Variants in KCTD14 observed in about 807,000 individuals in gnomAD.
KCTD14 encodes the protein potassium channel tetramerization domain containing 14, also known as BTB/POZ domain-containing protein KCTD14.
KCTD14 carries 7 observed loss-of-function variants against 5.9 expected under a neutral mutation model. That is an observed-to-expected ratio of 1.19 (90% CI 0.68 to 2.23). KCTD14 has a LOEUF of 2.23. KCTD14 is among the 30% of genes most tolerant of loss of function. The pLI is 0.00. For missense variants in KCTD14, 342 were observed against 332.2 expected, an observed-to-expected ratio of 1.03 and a Z score of -0.23; for synonymous variants, 140 against 133.1, an observed-to-expected ratio of 1.05 and a Z score of -0.36.
chr11:78,039,557 T>TTTAAACATTAAATAAAAAGATTTA (rs1857931943), intron 1 of KCTD14, among the ~76,000 whole-genome samples: 1 of 151,466 alleles, frequency 6.6e-6, no homozygotes, highest in South Asian at 2.1e-4. Context: ...AAAAGATTTA[T>TTTAAACATTAAATAAAAAGATTTA]TTAAACATGT....
chr11:78,036,695 G>A (rs1857811544), intron 2 of KCTD14, among the ~76,000 whole-genome samples: 1 of 152,186 alleles, frequency 6.6e-6, no homozygotes. Flanking sequence ...TGTCATCAAT[G>A]ATTCTTTTTA....
chr11:78,032,880 C>G (rs1857668059), intron 2 of KCTD14, among the ~76,000 whole-genome samples: 1 of 151,988 alleles, frequency 6.6e-6, no homozygotes, highest in African/African-American at 2.4e-5. Context: ...GGGGGTCTCA[C>G]TATGTTGCCC....
intron 2 of KCTD14, among the ~76,000 whole-genome samples, chr11:78,034,858 T>C (rs1041987674): frequency 6.6e-6 from 1 of 152,180 alleles, no homozygotes; most frequent in African/African-American, 2.4e-5. Context: ...TCCACCCTGC[T>C]TTTATTCACT....
chr11:78,024,887 G>A (rs1422354918), upstream of KCTD14, among the ~76,000 whole-genome samples: 2 of 151,786 alleles, frequency 1.3e-5, no homozygotes, highest in Non-Finnish European at 2.9e-5. Flanking sequence ...GGAGGTTGCA[G>A]TGAGCTGAGA....
intron 1 of KCTD14, chr11:78,046,045 C>T (rs533132151): frequency 2.1e-6 from 2 of 964,198 alleles, no homozygotes; most frequent in East Asian, 1.1e-4. Flanking sequence ...TGCACTTAGA[C>T]ACAAGCTGGA....
intron 2 of KCTD14, among the ~76,000 whole-genome samples, chr11:78,035,420 T>C (rs373711877): frequency 3.3e-5 from 5 of 152,156 alleles, no homozygotes; most frequent in African/African-American, 1.2e-4. Flanking sequence ...CAGCCCGTGA[T>C]AGCTGTCTCC....
intron 1 of KCTD14, among the ~76,000 whole-genome samples, chr11:78,040,677 T>TC (rs1857967420): frequency 2.2e-5 from 1 of 45,392 alleles, no homozygotes. Context: ...TTTTATTATT[T>TC]TTTTTTTTTT....
upstream of KCTD14, among the ~76,000 whole-genome samples, chr11:78,028,130 C>T (rs1180543524): frequency 6.6e-6 from 1 of 152,020 alleles, no homozygotes; most frequent in Non-Finnish European, 1.5e-5. Context: ...GAGTATATAC[C>T]CTTGATGTGA....
chr11:78,021,041 G>A (rs888752613), intron 1 of KCTD14, among the ~76,000 whole-genome samples: 2 of 151,984 alleles, frequency 1.3e-5, no homozygotes, highest in South Asian at 2.1e-4. Context: ...AGTGGCTTAC[G>A]CCTGTAATCC....
intron 1 of KCTD14, among the ~76,000 whole-genome samples, chr11:78,040,826 C>G (rs372575867): frequency 6.6e-6 from 1 of 152,068 alleles, no homozygotes; most frequent in Admixed American, 6.5e-5. Context: ...CGCATCACCA[C>G]GCCCGGCTGA....
chr11:78,042,530 A>G (rs1452776489), intron 1 of KCTD14, among the ~76,000 whole-genome samples: 1 of 152,104 alleles, frequency 6.6e-6, no homozygotes, highest in Admixed American at 6.6e-5. Context: ...AAATAGAAGA[A>G]AGAGAAAAGA....
chr11:78,029,315 T>C (rs1342401009), intron 2 of KCTD14, among the ~76,000 whole-genome samples: 1 of 152,098 alleles, frequency 6.6e-6, no homozygotes, highest in Non-Finnish European at 1.5e-5. Context: ...TTTGGGTGCA[T>C]GGGGCTTGGC....
upstream of KCTD14, among the ~76,000 whole-genome samples, chr11:78,027,157 G>A (rs1857490592): frequency 2.0e-5 from 3 of 152,038 alleles, no homozygotes; most frequent in South Asian, 6.2e-4. Context: ...ATTAATACAT[G>A]TATGACGTAC....
At chr11:78,031,401 C>T (rs1458904837) in intron 2 of KCTD14, among the ~76,000 whole-genome samples, 1 of 151,820 alleles carries the variant, frequency 6.6e-6, no homozygotes, top group Non-Finnish European at 1.5e-5. Flanking sequence ...TTTTTTGAGA[C>T]AGGGTCTTGC....
intron 1 of KCTD14, among the ~76,000 whole-genome samples, chr11:78,019,656 G>C (rs1857261969): frequency 6.6e-6 from 1 of 152,118 alleles, no homozygotes; most frequent in South Asian, 2.1e-4. Flanking sequence ...CAAAATATAG[G>C]CCCATGAGAC....
chr11:78,017,311 C>A, intron 1 of KCTD14, 41 bp from the exon 2 acceptor site: 1 of 1,524,176 alleles, frequency 6.6e-7, no homozygotes, highest in Non-Finnish European at 8.8e-7. Context: ...ACGCCATCTC[C>A]CCTGAGCGCA....
intron 1 of KCTD14, 50 bp downstream of exon 1, chr11:78,023,110 G>A: frequency 8.1e-7 from 1 of 1,236,114 alleles, no homozygotes; most frequent in Non-Finnish European, 1.1e-6. Flanking sequence ...AGAGGCGGAG[G>A]GAAGAGGCGG....
intron 2 of KCTD14, among the ~76,000 whole-genome samples, chr11:78,038,327 C>G (rs1857877917): frequency 6.6e-6 from 1 of 152,200 alleles, no homozygotes; most frequent in Non-Finnish European, 1.5e-5. Context: ...CATCCTCTCC[C>G]TATTCTTACC....
intron 2 of KCTD14, among the ~76,000 whole-genome samples, chr11:78,028,464 A>G (rs936780827): frequency 6.6e-6 from 1 of 152,106 alleles, no homozygotes; most frequent in African/African-American, 2.4e-5. Context: ...TTAGCCGGGC[A>G]TGGTGGCATG....
Sources: gnomAD v4.1 joint callset for allele counts (sites outside exome capture counted in the v4.1 genomes callset) on GRCh38, gnomAD v4.1.1 for gene constraint, MANE v1.5 for transcripts, NCBI Gene and HGNC (gene_info 2026-07-23, HGNC 2026-07-21) for gene names.